Variants in AK8 observed in about 807,000 individuals in gnomAD.
The protein encoded by AK8 is ATP-AMP transphosphorylase 8.
A neutral mutation model predicts 54.6 loss-of-function variants in AK8; 44 were observed. The ratio of observed to expected loss-of-function variants is 0.81; its 90% CI spans 0.63 to 1.04. The LOEUF (loss-of-function observed/expected upper bound fraction) is 1.04, where lower values mean the gene tolerates loss of function less well. AK8 is among the 50% of genes least tolerant of loss of function. The pLI is 0.00. For missense variants in AK8, 555 were observed against 613.6 expected (o/e 0.90, Z 1.01); for synonymous variants, 239 against 245.6 (o/e 0.97, Z 0.25).
intron 8 of AK8, 104 bp from the exon 9 acceptor site, chr9:132,823,440 C>G (rs1841739793): frequency 2.7e-6 from 4 of 1,479,194 alleles, no homozygotes; most frequent in Non-Finnish European, 3.7e-6. Flanking sequence ...AACTCTTTTT[C>G]TCTTTCACAG....
chr9:132,839,032 C>T (rs1415798127), intron 5 of AK8, among the ~76,000 whole-genome samples: 2 of 150,238 alleles, frequency 1.3e-5, no homozygotes, highest in African/African-American at 4.9e-5. Flanking sequence ...GCAACTCTGC[C>T]TCCTGGGTTC....
In AK8 at chr9:132,871,607, C is replaced by T. The variant is rs754093498; in HGVS notation, c.169+3508G>A. Among the ~76,000 whole-genome samples the T allele has an allele frequency of 3.9e-5, 6 of 152,324 alleles. No individual in the cohort carries two copies. The East Asian group carries it at 7.7e-4, about 20-fold the overall frequency. On this transcript the variant is annotated intron_variant, in intron 2 of 12. Transcript: ENST00000298545. ...AGCTATTCAGGAGGACAGACCCCCC[C>T]GGCTGGAGGCTGGCCCCCAGCTAGA...
At chr9:132,771,896 G>T (rs1262774101) in intron 11 of AK8, among the ~76,000 whole-genome samples, 1 of 152,198 alleles carries the variant, frequency 6.6e-6, no homozygotes, top group Non-Finnish European at 1.5e-5. Context: ...GGCTGGGGAG[G>T]CCTCACAATC....
chr9:132,752,303 G>A (rs1185378794), intron 11 of AK8, among the ~76,000 whole-genome samples: 3 of 147,396 alleles, frequency 2.0e-5, no homozygotes, highest in Non-Finnish European at 4.4e-5. Context: ...AGGCTGGAGT[G>A]CAGTGGCGTG....
chr9:132,827,375 T>A (rs1202736077), intron 7 of AK8: 6 of 404,994 alleles, frequency 1.5e-5, no homozygotes, highest in Admixed American at 1.2e-4. Context: ...CCATCACCCA[T>A]TAGGTTGGTA....
chr9:132,852,817 GA>G (rs958005633), intron 5 of AK8, among the ~76,000 whole-genome samples: 16 of 116,610 alleles, frequency 1.4e-4, no homozygotes, highest in African/African-American at 3.8e-4. Flanking sequence ...AAAATGATAA[GA>G]AAAAAAAAGA....
intron 11 of AK8, among the ~76,000 whole-genome samples, chr9:132,766,092 T>A (rs114255489): frequency 2.2e-3 from 331 of 152,346 alleles, no homozygotes; most frequent in African/African-American, 7.4e-3. Context: ...CCAATTACCA[T>A]TGTTACAAAA....
intron 11 of AK8, among the ~76,000 whole-genome samples, chr9:132,767,969 G>A (rs544633087): frequency 6.6e-6 from 1 of 152,316 alleles, no homozygotes; most frequent in South Asian, 2.1e-4. Context: ...CAGGGGAGGT[G>A]AAGAGAGGTT....
intron 11 of AK8, among the ~76,000 whole-genome samples, chr9:132,734,102 T>C (rs1338775254): frequency 1.3e-5 from 2 of 152,146 alleles, no homozygotes; most frequent in African/African-American, 4.8e-5. Context: ...TGTAGGCACA[T>C]TAAGGTTGGA....
chr9:132,726,031 A>G, intron 12 of AK8, 106 bp from the exon 13 acceptor site: 1 of 876,812 alleles, frequency 1.1e-6, no homozygotes, highest in Non-Finnish European at 1.8e-6. Flanking sequence ...CCTGGCCACC[A>G]CCACCATCAC....
At chr9:132,876,948 C>T (rs12553164) in intron 1 of AK8, among the ~76,000 whole-genome samples, 11 of 152,118 alleles carry the variant, frequency 7.2e-5, no homozygotes, top group Admixed American at 6.5e-4. Flanking sequence ...CCTGTAGTCT[C>T]GGCTACTCTG....
intron 10 of AK8, among the ~76,000 whole-genome samples, chr9:132,798,431 G>A (rs1588142454): frequency 6.6e-6 from 1 of 152,106 alleles, no homozygotes; most frequent in South Asian, 2.1e-4. Context: ...CAGAAGTTTC[G>A]AGTCCTCTTG....
At chr9:132,748,211 A>G (rs1366207495) in intron 11 of AK8, among the ~76,000 whole-genome samples, 6 of 151,746 alleles carry the variant, frequency 4.0e-5, no homozygotes, top group Admixed American at 6.6e-5. Context: ...TAACACGTAG[A>G]TAACCGTAAG....
intron 11 of AK8, among the ~76,000 whole-genome samples, chr9:132,731,200 C>T (rs1013671733): frequency 1.3e-5 from 2 of 152,122 alleles, no homozygotes; most frequent in East Asian, 1.9e-4. Context: ...AGCCGAATTC[C>T]GAGTGATTTG....
At chr9:132,766,363 C>G (rs1022465289) in intron 11 of AK8, among the ~76,000 whole-genome samples, 2 of 152,210 alleles carry the variant, frequency 1.3e-5, no homozygotes, top group African/African-American at 4.8e-5. Context: ...ATCCTCCTGC[C>G]TTGGCCTCCC....
chr9:132,759,230 T>G (rs1322059881), intron 11 of AK8, among the ~76,000 whole-genome samples: 1 of 151,348 alleles, frequency 6.6e-6, no homozygotes. Context: ...AAATGTACAA[T>G]TCCACAGGTT....
intron 5 of AK8, among the ~76,000 whole-genome samples, chr9:132,853,798 A>T (rs2131381161): frequency 6.6e-6 from 1 of 151,208 alleles, no homozygotes; most frequent in African/African-American, 2.4e-5. Flanking sequence ...AAAAAAAAAA[A>T]AAAAAAAAAA....
chr9:132,757,561 T>C (rs1370393390), intron 11 of AK8, among the ~76,000 whole-genome samples: 2 of 152,204 alleles, frequency 1.3e-5, no homozygotes, highest in African/African-American at 4.8e-5. Context: ...CTGTATGCAC[T>C]ACCTGACTGA....
chr9:132,828,502 T>A (rs996600142), intron 6 of AK8, 143 bp downstream of exon 6: 1 of 678,260 alleles, frequency 1.5e-6, no homozygotes, highest in Non-Finnish European at 2.5e-6. Flanking sequence ...CTGTGAAAAA[T>A]TCAGTTGTGC....
Sources: gnomAD v4.1 joint callset for allele counts (sites outside exome capture counted in the v4.1 genomes callset) on GRCh38, gnomAD v4.1.1 for gene constraint, MANE v1.5 for transcripts, NCBI Gene and HGNC (gene_info 2026-07-23, HGNC 2026-07-21) for gene names.